MAP7: variants seen among roughly 807,000 people sequenced by gnomAD.
MAP7 encodes microtubule associated protein 7.
MAP7 carries 52 observed loss-of-function variants against 94.8 expected under a neutral mutation model. That is an observed-to-expected ratio of 0.55 (90% CI 0.44 to 0.69). The LOEUF is 0.69. Ranked by LOEUF, MAP7 falls within the 30% of genes least tolerant of loss-of-function variation. The pLI is 0.00. For synonymous variants in MAP7, 350 were observed against 357.0 expected (o/e 0.98, Z 0.22); for missense variants, 940 against 964.6 (o/e 0.97, Z 0.34).
intron 2 of MAP7, among the ~76,000 whole-genome samples, chr6:136,414,668 A>G (rs1022910445): frequency 2.0e-5 from 3 of 151,906 alleles, no homozygotes; most frequent in Non-Finnish European, 2.9e-5. Context: ...TTTAAACAGG[A>G]TCTTGCTGTG....
intron 1 of MAP7, among the ~76,000 whole-genome samples, chr6:136,482,939 T>C (rs1304386491): frequency 1.3e-5 from 2 of 152,056 alleles, no homozygotes; most frequent in East Asian, 3.9e-4. Context: ...TGTGCAGATG[T>C]TGTATGCAGT....
At chr6:136,368,773 G>C (rs1433787186) in intron 8 of MAP7, among the ~76,000 whole-genome samples, 1 of 152,188 alleles carries the variant, frequency 6.6e-6, no homozygotes, top group African/African-American at 2.4e-5. Context: ...TAAATGGAAG[G>C]AAGTCCTGTG....
chr6:136,421,827 A>C, intron 1 of MAP7, 28 bp from the exon 2 acceptor site: 1 of 1,545,830 alleles, frequency 6.5e-7, no homozygotes, highest in East Asian at 2.2e-5. Context: ...AAGAGAAAAG[A>C]CACATTTAGT....
chr6:136,474,598 G>T (rs1810219098), intron 1 of MAP7, among the ~76,000 whole-genome samples: 1 of 152,116 alleles, frequency 6.6e-6, no homozygotes, highest in African/African-American at 2.4e-5. Context: ...AAGAAAAGAA[G>T]ATGCATCAAA....
At position 136,365,721 on chromosome 6, in the gene MAP7, G is replaced by C; in HGVS notation, c.1273+14C>G. 6.2e-7 allele frequency: 1 copy of C among 1,611,160 alleles called. No homozygotes were observed. Among genetic ancestry groups the C allele is most frequent in the Non-Finnish European group, 8.5e-7 (1 of 1,178,020 alleles). On this transcript the variant is annotated intron_variant, in intron 10 of 17. Transcript: ENST00000354570. The stretch of plus-strand genomic sequence containing the variant: ...AAGAGAGAGCACCCAGACCACAGGT[G>C]AGTTTGCTCTTACCAGGGCCAACTT...
chr6:136,539,453 A>G (rs1562494885), intron 1 of MAP7, among the ~76,000 whole-genome samples: 1 of 152,224 alleles, frequency 6.6e-6, no homozygotes, highest in African/African-American at 2.4e-5. Context: ...CTCAGTTTCC[A>G]TATAATCTTA....
chr6:136,549,001 C>A (rs1055620271), intron 1 of MAP7, among the ~76,000 whole-genome samples: 13 of 152,208 alleles, frequency 8.5e-5, no homozygotes, highest in Admixed American at 7.8e-4. Context: ...CACATTAAGA[C>A]AAACTCCCTA....
chr6:136,477,079 A>C (rs1478113411), intron 1 of MAP7, among the ~76,000 whole-genome samples: 1 of 152,234 alleles, frequency 6.6e-6, no homozygotes. Context: ...AATTCCTCAT[A>C]AGATACTTAC....
chr6:136,529,564 C>T (rs1828306826), intron 1 of MAP7, among the ~76,000 whole-genome samples: 1 of 152,136 alleles, frequency 6.6e-6, no homozygotes, highest in Admixed American at 6.6e-5. Flanking sequence ...TAAGGTTTTG[C>T]AATTACTTTC....
intron 16 of MAP7, among the ~76,000 whole-genome samples, chr6:136,353,866 T>C (rs1189245051): frequency 6.6e-6 from 1 of 152,114 alleles, no homozygotes; most frequent in African/African-American, 2.4e-5. Flanking sequence ...ATTTAGTATT[T>C]GAGGGGCAAA....
chr6:136,466,688 G>T (rs1807219127), intron 1 of MAP7: 2 of 1,430,362 alleles, frequency 1.4e-6, no homozygotes, highest in Admixed American at 2.0e-5. Context: ...TGTCAAAATG[G>T]ATTTAAAGAT....
intron 15 of MAP7, among the ~76,000 whole-genome samples, chr6:136,358,221 A>T (rs867848809): frequency 2.6e-5 from 4 of 152,196 alleles, no homozygotes; most frequent in African/African-American, 9.7e-5. Flanking sequence ...ATACTGAAAG[A>T]ACAGATAAGG....
Position 136,531,973 on chromosome 6 carries a change from C to A in MAP7, c.67+18369G>T, listed in dbSNP as rs181356737. Among the ~76,000 whole-genome samples the A allele has an allele frequency of 4.0e-5, 6 of 151,740 alleles. No individual in the cohort carries two copies. In the East Asian group the frequency reaches 1.2e-3, roughly 29 times the overall value. ...TGATCTCAAAGAATGAAATAATGAGCTATACTTAGACAGGATACAGCCTAT... is the reference window on the plus strand; with the variant it reads ...TGATCTCAAAGAATGAAATAATGAGATATACTTAGACAGGATACAGCCTAT... On this transcript the variant is annotated intron_variant, in intron 1 of 17. Transcript: ENST00000354570.
intron 1 of MAP7, among the ~76,000 whole-genome samples, chr6:136,543,031 G>A (rs1019204069): frequency 6.6e-6 from 1 of 152,180 alleles, no homozygotes; most frequent in African/African-American, 2.4e-5. Flanking sequence ...AAACCGTAGA[G>A]TTGCTCTGGA....
intron 1 of MAP7, among the ~76,000 whole-genome samples, chr6:136,533,372 G>C (rs1403411722): frequency 6.6e-6 from 1 of 152,208 alleles, no homozygotes; most frequent in Non-Finnish European, 1.5e-5. Flanking sequence ...TGTGACTTGA[G>C]AGATGAAATC....
intron 1 of MAP7, among the ~76,000 whole-genome samples, chr6:136,470,173 C>T (rs1166948841): frequency 6.6e-6 from 1 of 152,128 alleles, no homozygotes; most frequent in Non-Finnish European, 1.5e-5. Flanking sequence ...CCTTGCTCTG[C>T]TTTGTTCTTT....
intron 16 of MAP7, among the ~76,000 whole-genome samples, chr6:136,354,151 A>G (rs1790104625): frequency 2.1e-5 from 3 of 140,004 alleles, no homozygotes; most frequent in Admixed American, 2.1e-4. Context: ...TACATCTACT[A>G]TATATAAAAA....
chr6:136,422,751 G>C (rs1350053033), intron 1 of MAP7, among the ~76,000 whole-genome samples: 20 of 152,230 alleles, frequency 1.3e-4, no homozygotes, highest in Middle Eastern at 3.4e-3. Context: ...AAATTGTCAG[G>C]CTGTTTGGTC....
rs749251576 is a variant in MAP7 at position 136,550,317 on chromosome 6, C to G, written c.67+25G>C. On this transcript the variant is annotated intron_variant, in intron 1 of 17. Transcript: ENST00000354570. This position sits in a 1 kb window ranked among gnomAD's most constrained non-coding sequence, Gnocchi z 5.1. Reference sequence around the variant, plus strand: ...TCGCCGTCCCCTGCCCGACGGGACCCCCACTATCCCCGCTGTGCGGTCACC... The same window carrying G: ...TCGCCGTCCCCTGCCCGACGGGACCGCCACTATCCCCGCTGTGCGGTCACC... The G allele has an allele frequency of 1.5e-5, 23 of 1,494,808 alleles. No homozygotes were observed. Among genetic ancestry groups the G allele is most frequent in the Non-Finnish European group, 2.0e-5 (23 of 1,127,900 alleles). 92.6% of individuals were successfully genotyped at this position (1,494,808 alleles called of 1,614,324 possible).
Sources: gnomAD v4.1 joint callset for allele counts (sites outside exome capture counted in the v4.1 genomes callset) on GRCh38, gnomAD v4.1.1 for gene constraint, Gnocchi (gnomAD v3.1) non-coding constraint, MANE v1.5 for transcripts, NCBI Gene and HGNC (gene_info 2026-07-23, HGNC 2026-07-21) for gene names.